The following PNMA6E variants were observed in gnomAD, a reference collection of about 807,000 sequenced individuals.
PNMA6E encodes PNMA family member 6E.
For synonymous variants in PNMA6E, 43 were observed against 17.1 expected (o/e 2.52, Z -3.74); for missense variants, 78 against 50.8 (o/e 1.53, Z -1.63).
the PNMA6E span, among the ~76,000 whole-genome samples, chrX:153,410,829 A>T: frequency 9.0e-6 from 1 of 111,715 alleles, no homozygotes; most frequent in Admixed American, 9.4e-5. Context: ...ACGCTTCACT[A>T]TTTGTCAAAG....
chrX:153,400,253 G>C (rs782530141), intron 1 of PNMA6E, among the ~76,000 whole-genome samples: 9 of 112,295 alleles, frequency 8.0e-5, no homozygotes, highest in Non-Finnish European at 1.9e-5. Context: ...ACCTGTAGGG[G>C]GCCAGGCTCC....
At chrX:153,410,226 C>T in the PNMA6E span, among the ~76,000 whole-genome samples, 8 of 111,640 alleles carry the variant, frequency 7.2e-5, no homozygotes, top group South Asian at 2.3e-3. Flanking sequence ...GGATTTGGGG[C>T]CCCCTGGATC....
upstream of PNMA6E, among the ~76,000 whole-genome samples, chrX:153,403,204 G>C (rs1452808447): frequency 1.8e-5 from 2 of 111,594 alleles, no homozygotes; most frequent in African/African-American, 6.5e-5. Flanking sequence ...AGCTCACTGA[G>C]GCGCCCTTTT....
At chrX:153,411,208 C>G in the PNMA6E span, among the ~76,000 whole-genome samples, 6 of 112,615 alleles carry the variant, frequency 5.3e-5, no homozygotes, top group East Asian at 1.4e-3. Flanking sequence ...GACGTAATAA[C>G]GCCCAGGGGT....
rs868991684 is a variant in PNMA6E at position 153,396,187 on chromosome X, G to C, written c.*719C>G. On this transcript the variant is annotated 3_prime_UTR_variant, in exon 2 of 2. Coordinates refer to ENST00000445091, the MANE Select transcript of PNMA6E (RefSeq NM_001367770.1). ...ACTGCGCTGGGGGTCTCCGGGGAGAGGCTGCTCAGAGAAGAACACACGCAG... is the reference window on the plus strand; with the variant it reads ...ACTGCGCTGGGGGTCTCCGGGGAGACGCTGCTCAGAGAAGAACACACGCAG... 1 of 122,497 alleles carries C rather than the reference G, an allele frequency of 8.2e-6. No homozygotes were observed. The highest frequency in any genetic ancestry group is 1.9e-5 in the Non-Finnish European group (1 of 53,140). The allele number at this position is 122,497 out of a possible 1,213,427, so 10.1% of individuals were successfully genotyped here. A position where few individuals can be genotyped will look rare whatever the true frequency, so the allele number is the denominator to read the frequency against.
chrX:153,402,972 C>G (rs1329202315), upstream of PNMA6E, among the ~76,000 whole-genome samples: 2 of 112,818 alleles, frequency 1.8e-5, no homozygotes, highest in African/African-American at 6.4e-5. Flanking sequence ...ACTCATTACT[C>G]TTTGTTTTCG....
In PNMA6E at chrX:153,398,532, G is replaced by T. The variant is rs1460144317; in HGVS notation, c.318C>A (p.Pro106=). ...QVPVIEFQDM[P]SFPAQPQGQA... Reference sequence around the variant, plus strand: ...GACCCTGGGGCTGTGCAGGAAAACTGGGCATATCCTGAAACTCAATAACAG... The same window carrying T: ...GACCCTGGGGCTGTGCAGGAAAACTTGGCATATCCTGAAACTCAATAACAG... Residue 106 remains proline, a synonymous_variant, in exon 2 of 2, where the codon CCC becomes CCA. Transcript: ENST00000445091. The T allele has an allele frequency of 1.1e-5, 4 of 362,879 alleles. No homozygotes were observed. The highest frequency in any genetic ancestry group is 7.5e-4 in the Middle Eastern group (1 of 1,331). The allele number at this position is 362,879 out of a possible 1,213,427, so 29.9% of individuals were successfully genotyped here.
the PNMA6E span, among the ~76,000 whole-genome samples, chrX:153,411,441 C>T: frequency 8.9e-6 from 1 of 112,132 alleles, no homozygotes; most frequent in African/African-American, 3.2e-5. Context: ...CACAACGCGC[C>T]CCGTTCCCAC....
In PNMA6E at chrX:153,396,699, G is replaced by A. The variant is rs1480700643; in HGVS notation, c.*207C>T. 1.1e-5 allele frequency: 3 copies of A among 271,332 alleles called. No homozygotes were observed. The highest frequency in any genetic ancestry group is 2.8e-5 in the African/African-American group (1 of 36,052). The allele number at this position is 271,332 out of a possible 1,213,427, so 22.4% of individuals were successfully genotyped here. A position where few individuals can be genotyped will look rare whatever the true frequency, so the allele number is the denominator to read the frequency against. On this transcript the variant is annotated 3_prime_UTR_variant, in exon 2 of 2. Coordinates refer to ENST00000445091, the MANE Select transcript of PNMA6E (RefSeq NM_001367770.1). ...TGGGTGTGCTGGGTGCAAGGGAGCG[G>A]GGGGGCGCCTCTCCCCACCCCATTT...
chrX:153,396,828 A>ACTGGCCCTGGC lies in PNMA6E; in HGVS notation c.*67_*77dup, dbSNP rs1244244527. The ACTGGCCCTGGC allele has an allele frequency of 1.0e-5, 3 of 296,006 alleles. No individual in the cohort carries two copies. The highest frequency in any genetic ancestry group is 1.8e-5 in the Non-Finnish European group (3 of 169,872). The allele number at this position is 296,006 out of a possible 1,213,427, so 24.4% of individuals were successfully genotyped here. ...CTTACTCCTGAATGTGGGGTGAGGG[A>ACTGGCCCTGGC]CTGGCCCTGGCCTGGCCTCTGTCTG... is the stretch of plus-strand genomic sequence containing the variant. On this transcript the variant is annotated 3_prime_UTR_variant, in exon 2 of 2. Coordinates refer to ENST00000445091, the MANE Select transcript of PNMA6E (RefSeq NM_001367770.1).
chrX:153,402,485 C>T (rs1024384593), upstream of PNMA6E, among the ~76,000 whole-genome samples: 2 of 111,194 alleles, frequency 1.8e-5, no homozygotes, highest in South Asian at 3.8e-4. Flanking sequence ...CCCTGCACCC[C>T]GTCCTTTATG....
chrX:153,400,381 A>C (rs782193180), intron 1 of PNMA6E, among the ~76,000 whole-genome samples: 6 of 112,279 alleles, frequency 5.3e-5, no homozygotes, highest in African/African-American at 1.9e-4. Context: ...CCCTCCTTCC[A>C]GCCCATCCCC....
chrX:153,403,032 TC>T (rs1384336242), upstream of PNMA6E, among the ~76,000 whole-genome samples: 1 of 112,810 alleles, frequency 8.9e-6, no homozygotes, highest in East Asian at 2.8e-4. Flanking sequence ...GTATTTATCT[TC>T]CTTGGAATTC....
rs1350467834 is a variant in PNMA6E at position 153,396,218 on chromosome X, C to T, written c.*688G>A. On this transcript the variant is annotated 3_prime_UTR_variant, in exon 2 of 2. Coordinates refer to ENST00000445091, the MANE Select transcript of PNMA6E (RefSeq NM_001367770.1). ...TCAGAGAAGAACACACGCAGCTCCA[C>T]GAGAACAAGCAGCCCCTGGCCTAGA... The T allele has an allele frequency of 2.3e-4, 28 of 122,226 alleles. No homozygotes were observed. Among genetic ancestry groups the T allele is most frequent in the Admixed American group, 7.5e-4 (8 of 10,597 alleles). The allele number at this position is 122,226 out of a possible 1,213,427, so 10.1% of individuals were successfully genotyped here. A position where few individuals can be genotyped will look rare whatever the true frequency, so the allele number is the denominator to read the frequency against.
chrX:153,403,041 T>C (rs186776932), upstream of PNMA6E, among the ~76,000 whole-genome samples: 2 of 112,765 alleles, frequency 1.8e-5, no homozygotes, highest in Admixed American at 1.9e-4. Context: ...TTCCTTGGAA[T>C]TCACTGAGCT....
chrX:153,401,004 C>T (rs2088846786), intron 1 of PNMA6E, among the ~76,000 whole-genome samples: 1 of 111,125 alleles, frequency 9.0e-6, no homozygotes. Flanking sequence ...CTCCCCTCAG[C>T]CCTCCTTCCA....
the PNMA6E span, among the ~76,000 whole-genome samples, chrX:153,411,756 G>A: frequency 8.9e-6 from 1 of 112,708 alleles, no homozygotes; most frequent in African/African-American, 3.2e-5. Flanking sequence ...TAAGGGGCCC[G>A]TCTCGGCAGG....
upstream of PNMA6E, among the ~76,000 whole-genome samples, chrX:153,403,181 T>C (rs1388620633): frequency 8.9e-6 from 1 of 112,055 alleles, no homozygotes; most frequent in Non-Finnish European, 1.9e-5. Flanking sequence ...TAGACCTCTA[T>C]ATATTGTCCC....
chrX:153,407,679 C>T, the PNMA6E span, among the ~76,000 whole-genome samples: 7 of 111,299 alleles, frequency 6.3e-5, no homozygotes, highest in African/African-American at 2.0e-4. Context: ...GCTAGAAGCC[C>T]CTTTTTGTTC....
Sources: allele counts gnomAD v4.1 joint callset (sites outside exome capture counted in the v4.1 genomes callset), GRCh38; gene constraint gnomAD v4.1.1; transcripts MANE v1.5; gene names NCBI Gene and HGNC (gene_info 2026-07-23, HGNC 2026-07-21).